The following PTPRT variants were observed in gnomAD, a reference collection of about 807,000 sequenced individuals.
PTPRT encodes protein tyrosine phosphatase receptor type T.
PTPRT carries 56 observed loss-of-function variants against 176.8 expected under a neutral mutation model. That is an observed-to-expected ratio of 0.32 (90% CI 0.26 to 0.40). The LOEUF (loss-of-function observed/expected upper bound fraction) is 0.40, where lower values mean the gene tolerates loss of function less well. PTPRT is among the 10% of genes least tolerant of loss of function. PTPRT has a pLI of 1.00. For synonymous variants in PTPRT, 783 were observed against 739.0 expected (o/e 1.06, Z -0.96); for missense variants, 1,540 against 1,908.2 (o/e 0.81, Z 3.60).
At chr20:42,559,918 C>T (rs986540992) in intron 7 of PTPRT, among the ~76,000 whole-genome samples, 18 of 152,150 alleles carry the variant, frequency 1.2e-4, no homozygotes, top group African/African-American at 4.1e-4. Flanking sequence ...TATGAAAATC[C>T]ATATTTCAGC....
intron 9 of PTPRT, among the ~76,000 whole-genome samples, chr20:42,377,350 T>C (rs191881677): frequency 3.9e-4 from 59 of 152,318 alleles, no homozygotes; most frequent in African/African-American, 1.4e-3. Flanking sequence ...AAGGTAAAGA[T>C]GCCCAAAACG....
chr20:42,268,343 T>C (rs1320800504), intron 13 of PTPRT, among the ~76,000 whole-genome samples: 2 of 152,158 alleles, frequency 1.3e-5, no homozygotes, highest in Non-Finnish European at 2.9e-5. Context: ...AAGCACCTGA[T>C]ATGGGACTGG....
intron 1 of PTPRT, among the ~76,000 whole-genome samples, chr20:42,978,943 T>C (rs1483633246): frequency 1.3e-5 from 2 of 152,192 alleles, no homozygotes; most frequent in Non-Finnish European, 2.9e-5. Context: ...GCCGTTCTTT[T>C]GTTACCTCAG....
chr20:43,129,337 A>G (rs1465909058), intron 1 of PTPRT, among the ~76,000 whole-genome samples: 1 of 152,218 alleles, frequency 6.6e-6, no homozygotes, highest in Admixed American at 6.5e-5. Flanking sequence ...CACGAGGACA[A>G]GAGTCGAATT....
chr20:42,600,770 G>T (rs532939807), intron 7 of PTPRT, among the ~76,000 whole-genome samples: 65 of 152,102 alleles, frequency 4.3e-4, no homozygotes, highest in Non-Finnish European at 8.2e-4. Context: ...CAACCATGTT[G>T]TTGCAAAATA....
chr20:42,188,488 C>T (rs1347599785), intron 16 of PTPRT, among the ~76,000 whole-genome samples: 2 of 152,006 alleles, frequency 1.3e-5, no homozygotes, highest in East Asian at 1.9e-4. Context: ...CCATAACATG[C>T]CTCATAGCAT....
chr20:42,337,019 G>GT (rs2058050086), intron 11 of PTPRT, among the ~76,000 whole-genome samples: 1 of 152,136 alleles, frequency 6.6e-6, no homozygotes, highest in Non-Finnish European at 1.5e-5. Context: ...GGCAAGGGGA[G>GT]TTTTTTCCCA....
chr20:43,068,300 C>G (rs575278334), intron 1 of PTPRT, among the ~76,000 whole-genome samples: 1 of 149,804 alleles, frequency 6.7e-6, no homozygotes, highest in Non-Finnish European at 1.5e-5. Context: ...GTCAGGAGAT[C>G]GAGACTATCC....
chr20:42,920,331 T>G (rs1979062068), intron 1 of PTPRT, among the ~76,000 whole-genome samples: 2 of 152,048 alleles, frequency 1.3e-5, no homozygotes. Context: ...TTATATAAAG[T>G]TATAGAGACT....
chr20:42,193,608 A>G (rs1991083572), intron 16 of PTPRT, among the ~76,000 whole-genome samples: 1 of 152,242 alleles, frequency 6.6e-6, no homozygotes, highest in African/African-American at 2.4e-5. Flanking sequence ...TCATTCACAA[A>G]ATAGGAATAA....
intron 7 of PTPRT, among the ~76,000 whole-genome samples, chr20:42,659,763 G>A (rs1190472050): frequency 6.6e-6 from 1 of 152,148 alleles, no homozygotes; most frequent in South Asian, 2.1e-4. Context: ...ATATAAAATA[G>A]TGTGGGTCAA....
At chr20:42,102,659 G>T (rs565397833) in intron 25 of PTPRT, among the ~76,000 whole-genome samples, 1 of 152,202 alleles carries the variant, frequency 6.6e-6, no homozygotes, top group East Asian at 1.9e-4. Flanking sequence ...AGGGGTGGGG[G>T]TAGGGAATCC....
At chr20:43,069,989 C>T (rs2011158873) in intron 1 of PTPRT, among the ~76,000 whole-genome samples, 1 of 152,176 alleles carries the variant, frequency 6.6e-6, no homozygotes, top group South Asian at 2.1e-4. Context: ...CCACCAGCCC[C>T]CTAATATGCC....
chr20:42,849,472 C>A (rs574705614), intron 2 of PTPRT, among the ~76,000 whole-genome samples: 1 of 152,184 alleles, frequency 6.6e-6, no homozygotes, highest in Admixed American at 6.5e-5. Context: ...GATGCAGGCA[C>A]TGTCCAGTGG....
chr20:42,505,333 G>A lies in PTPRT; in HGVS notation c.1154-32771C>T, dbSNP rs143938584. On this transcript the variant is annotated intron_variant, in intron 7 of 30. Transcript: ENST00000373187. ...TATTGTTATTTTGAGATGGAGTCCC[G>A]CTCTGTCTCCCAGGCTGGAGTGCAG... 7.7e-3 allele frequency among the ~76,000 whole-genome samples: 1,171 copies of A among 152,094 alleles called. 21 individuals are homozygous for A. Among genetic ancestry groups the A allele is most frequent in the African/African-American group, 0.027 (1,112 of 41,456 alleles).
At chr20:42,225,689 G>T (rs2146809858) in intron 15 of PTPRT, among the ~76,000 whole-genome samples, 1 of 152,282 alleles carries the variant, frequency 6.6e-6, no homozygotes, top group East Asian at 1.9e-4. Context: ...CTCACTCTTT[G>T]TCGCCCAGGC....
intron 2 of PTPRT, among the ~76,000 whole-genome samples, chr20:42,801,869 G>T (rs979493880): frequency 6.6e-6 from 1 of 152,134 alleles, no homozygotes; most frequent in Non-Finnish European, 1.5e-5. Flanking sequence ...AAAAGAAATT[G>T]CAGACAGAAT....
intron 1 of PTPRT, among the ~76,000 whole-genome samples, chr20:42,941,088 A>T (rs111439249): frequency 0.034 from 5,105 of 150,424 alleles, 138 homozygotes; most frequent in Admixed American, 0.062. Context: ...TCTCAAAAAA[A>T]AATAATAATA....
rs922618185 is a variant in PTPRT at position 42,141,788 on chromosome 20, A to C, written c.2770+127T>G. 21 of 880,544 alleles carry C rather than the reference A, an allele frequency of 2.4e-5. No homozygotes were observed. The Middle Eastern group carries it at 1.1e-3, about 47-fold the overall frequency. 54.5% of individuals were successfully genotyped at this position (880,544 alleles called of 1,614,324 possible). A position where few individuals can be genotyped will look rare whatever the true frequency, so the allele number is the denominator to read the frequency against. Reference sequence around the variant, plus strand: ...GCTGATATAAAGCTTCCATCTTGGCATGTAGATACAAAGCTAGAGACAGCA... The same window carrying C: ...GCTGATATAAAGCTTCCATCTTGGCCTGTAGATACAAAGCTAGAGACAGCA... On this transcript the variant is annotated intron_variant, in intron 18 of 30. Transcript: ENST00000373187.
Sources: gnomAD v4.1 joint callset for allele counts (sites outside exome capture counted in the v4.1 genomes callset) on GRCh38, gnomAD v4.1.1 for gene constraint, MANE v1.5 for transcripts, NCBI Gene and HGNC (gene_info 2026-07-23, HGNC 2026-07-21) for gene names.